The following FAM184B variants were observed in gnomAD, a reference collection of about 807,000 sequenced individuals.
FAM184B encodes family with sequence similarity 184 member B.
Under a neutral mutation model 135.9 loss-of-function variants are expected in FAM184B, and 111 were observed. The ratio of observed to expected loss-of-function variants is 0.82; its 90% confidence interval spans 0.70 to 0.96. FAM184B has a LOEUF of 0.96. Ranked by LOEUF, FAM184B falls within the 40% of genes least tolerant of loss-of-function variation. The probability of loss-of-function intolerance (pLI) is 0.00; values close to 1 mark genes in which losing one functional copy is unlikely to be tolerated. For synonymous variants in FAM184B, 552 were observed against 524.8 expected (o/e 1.05, Z -0.71); for missense variants, 1,375 against 1,323.9 (o/e 1.04, Z -0.60).
intron 7 of FAM184B, among the ~76,000 whole-genome samples, chr4:17,677,480 GAAGA>G (rs1379763616): frequency 1.3e-5 from 2 of 152,082 alleles, no homozygotes; most frequent in Admixed American, 6.6e-5. Flanking sequence ...ATTAAACCAG[GAAGA>G]AATAGAAACT....
chr4:17,705,925 C>T (rs1717105817), intron 3 of FAM184B, 34 bp from the exon 4 acceptor site: 2 of 1,551,118 alleles, frequency 1.3e-6, no homozygotes, highest in East Asian at 2.4e-5. Flanking sequence ...ATTTGGAATG[C>T]TCTTGGCCAT....
intron 10 of FAM184B, among the ~76,000 whole-genome samples, chr4:17,654,849 G>GTCTTTT (rs138398137): frequency 6.6e-6 from 1 of 152,154 alleles, no homozygotes; most frequent in Admixed American, 6.5e-5. Flanking sequence ...TGTGCCAAAT[G>GTCTTTT]TCTTTTTCTT....
At chr4:17,751,868 A>ACACACACAC (rs1382691924) in intron 1 of FAM184B, among the ~76,000 whole-genome samples, 28 of 57,004 alleles carry the variant, frequency 4.9e-4, no homozygotes, top group South Asian at 1.1e-3. Flanking sequence ...CACACACACA[A>ACACACACAC]AAGAACCAGG....
chr4:17,649,858 A>G (rs939430040), intron 11 of FAM184B, among the ~76,000 whole-genome samples: 3 of 142,304 alleles, frequency 2.1e-5, no homozygotes, highest in Non-Finnish European at 4.6e-5. Context: ...CCATCCATCC[A>G]TCCACCCACT....
rs576256191 is a variant in FAM184B, at chr4:17,729,302, G to A, written c.142-19658C>T. On this transcript the variant is annotated intron_variant, in intron 1 of 17. Coordinates refer to ENST00000265018, the MANE Select transcript of FAM184B (RefSeq NM_015688.2). ...AGCTCAAGGAGGCCTGCCTGCCTCT[G>A]TAGGCTCCACCTCTGGGGGCGGGGC... 8.7e-3 allele frequency among the ~76,000 whole-genome samples: 1,325 copies of A among 152,330 alleles called. 20 individuals carry two copies. The highest frequency in any genetic ancestry group is 0.03 in the African/African-American group (1,262 of 41,572).
intron 17 of FAM184B, 32 bp downstream of exon 17, chr4:17,633,657 A>C: frequency 6.9e-7 from 1 of 1,459,012 alleles, no homozygotes; most frequent in Non-Finnish European, 9.1e-7. Flanking sequence ...GGGAAATAGA[A>C]TAAGGGCCCC....
intron 1 of FAM184B, among the ~76,000 whole-genome samples, chr4:17,771,971 C>A (rs1197233900): frequency 6.6e-6 from 1 of 152,168 alleles, no homozygotes; most frequent in Admixed American, 6.5e-5. Flanking sequence ...AGATGAGGAC[C>A]GTTGGCCCCT....
chr4:17,647,854 G>T, intron 11 of FAM184B, 63 bp from the exon 12 acceptor site: 13 of 1,488,492 alleles, frequency 8.7e-6, no homozygotes, highest in Non-Finnish European at 9.9e-6. Context: ...GTGTCATGGG[G>T]ACAACAGTCT....
At chr4:17,701,190 C>T (rs756105736) in intron 5 of FAM184B, among the ~76,000 whole-genome samples, 3 of 152,024 alleles carry the variant, frequency 2.0e-5, no homozygotes, top group Non-Finnish European at 4.4e-5. Flanking sequence ...CTGCATTGCT[C>T]GAAACATAAA....
chr4:17,710,623 G>A (rs181353226), intron 1 of FAM184B, among the ~76,000 whole-genome samples: 14 of 152,212 alleles, frequency 9.2e-5, no homozygotes, highest in Non-Finnish European at 1.6e-4. Flanking sequence ...TGCTTCCCTC[G>A]TAGGATCAGG....
intron 1 of FAM184B, among the ~76,000 whole-genome samples, chr4:17,731,470 G>A (rs1259550772): frequency 6.6e-6 from 1 of 152,094 alleles, no homozygotes; most frequent in Admixed American, 6.6e-5. Context: ...TCAAAATAAA[G>A]GGATGGAGGA....
At chr4:17,649,227 A>G (rs933606572) in intron 11 of FAM184B, among the ~76,000 whole-genome samples, 7 of 152,144 alleles carry the variant, frequency 4.6e-5, no homozygotes, top group African/African-American at 1.7e-4. Flanking sequence ...AAGCTTACTA[A>G]CCTTCCCTCA....
At chr4:17,751,505 C>G (rs1267587867) in intron 1 of FAM184B, among the ~76,000 whole-genome samples, 2 of 152,032 alleles carry the variant, frequency 1.3e-5, no homozygotes, top group African/African-American at 4.8e-5. Flanking sequence ...TGGAGAGGCT[C>G]TACCTCCAGA....
At position 17,630,913 on chromosome 4, in the gene FAM184B, A is replaced by T. The variant is rs895781032; in HGVS notation, c.*1619T>A. ...CCATTTTTATTGCCCAGTTATTCAA[A>T]GTTTTATTCAAAGAGCAAAGATTTG... On this transcript the variant is annotated 3_prime_UTR_variant, in exon 18 of 18. Coordinates refer to ENST00000265018, the MANE Select transcript of FAM184B (RefSeq NM_015688.2). The T allele has an allele frequency of 1.1e-4, 16 of 152,198 alleles. No homozygotes were observed. The highest frequency in any genetic ancestry group is 1.8e-4 in the Non-Finnish European group (12 of 68,044). 9.4% of individuals were successfully genotyped at this position (152,198 alleles called of 1,614,324 possible).
At chr4:17,708,783 C>G in intron 2 of FAM184B, 109 bp downstream of exon 2, 2 of 1,197,160 alleles carry the variant, frequency 1.7e-6, no homozygotes, top group Non-Finnish European at 2.2e-6. Flanking sequence ...ATAGGGCTCA[C>G]CTCCGTAGAA....
intron 1 of FAM184B, among the ~76,000 whole-genome samples, chr4:17,779,083 G>A (rs1339005543): frequency 2.6e-5 from 4 of 152,168 alleles, no homozygotes; most frequent in African/African-American, 7.2e-5. Context: ...CAAACCAGCA[G>A]TGGAATATGT....
intron 11 of FAM184B, among the ~76,000 whole-genome samples, chr4:17,650,365 T>C (rs1179107570): frequency 6.6e-6 from 1 of 152,184 alleles, no homozygotes; most frequent in East Asian, 1.9e-4. Context: ...TTACTGTAGG[T>C]GCTTGCACCT....
intron 1 of FAM184B, among the ~76,000 whole-genome samples, chr4:17,731,586 A>G (rs1281594937): frequency 6.6e-6 from 1 of 152,244 alleles, no homozygotes; most frequent in Non-Finnish European, 1.5e-5. Context: ...AAAGAAGGCC[A>G]TTACATAATG....
chr4:17,641,150 T>A (rs1715299410), intron 13 of FAM184B, among the ~76,000 whole-genome samples: 5 of 151,912 alleles, frequency 3.3e-5, no homozygotes, highest in African/African-American at 1.2e-4. Flanking sequence ...CCCAGGCTGG[T>A]CTTGGACTCC....
Sources: allele counts gnomAD v4.1 joint callset (sites outside exome capture counted in the v4.1 genomes callset), GRCh38; gene constraint gnomAD v4.1.1; transcripts MANE v1.5; gene names NCBI Gene and HGNC (gene_info 2026-07-23, HGNC 2026-07-21).